NXPH2: variants seen among roughly 807,000 people sequenced by gnomAD.
NXPH2 encodes the protein neurexophilin-2.
In NXPH2, 5 loss-of-function variants were observed where a neutral mutation model predicts 19.8. The observed-to-expected ratio is 0.25, with a 90% confidence interval of 0.13 to 0.53. NXPH2 has a LOEUF of 0.53. Ranked by LOEUF, NXPH2 falls within the 20% of genes least tolerant of loss-of-function variation. The pLI is 0.96. For synonymous variants in NXPH2, 154 were observed against 127.4 expected (o/e 1.21, Z -1.41); for missense variants, 289 against 322.8 (o/e 0.90, Z 0.80).
chr2:138,695,259 T>C (rs991209505), intron 1 of NXPH2, among the ~76,000 whole-genome samples: 1 of 152,164 alleles, frequency 6.6e-6, no homozygotes, highest in African/African-American at 2.4e-5. Context: ...CAAAAATGGT[T>C]TTCTAAATTT....
intron 1 of NXPH2, among the ~76,000 whole-genome samples, chr2:138,681,043 A>G (rs1680573106): frequency 6.6e-6 from 1 of 152,018 alleles, no homozygotes; most frequent in African/African-American, 2.4e-5. Context: ...CTGGCCTTTC[A>G]CCTTTCTACC....
chr2:138,743,562 G>C (rs1436887374), intron 1 of NXPH2, among the ~76,000 whole-genome samples: 2 of 152,164 alleles, frequency 1.3e-5, no homozygotes, highest in Non-Finnish European at 2.9e-5. Flanking sequence ...ATGGGTATGG[G>C]GTTTCTTTTT....
Position 138,670,931 on chromosome 2 carries a change from A to G in NXPH2, c.786T>C (p.Ser262=). 6.2e-7 allele frequency: 1 copy of G among 1,610,990 alleles called. No homozygotes were observed. Reference sequence around the variant, plus strand: ...CACCACAGCAGGAAGATCAGCCAGAAGATAAGTATGGGGTCTCACTATGGT... The same window carrying G: ...CACCACAGCAGGAAGATCAGCCAGAGGATAAGTATGGGGTCTCACTATGGT... ...YNYHSETPYL[S]SG The change falls in exon 2 of 2, where the codon TCT becomes TCC. Residue 262 remains serine, a synonymous_variant. Coordinates refer to ENST00000272641, the MANE Select transcript of NXPH2 (RefSeq NM_007226.3).
intron 1 of NXPH2, among the ~76,000 whole-genome samples, chr2:138,751,344 G>A (rs1270919858): frequency 2.0e-5 from 3 of 152,080 alleles, no homozygotes; most frequent in South Asian, 2.1e-4. Flanking sequence ...TCTCTCAGTT[G>A]TCTAATATAT....
chr2:138,746,237 C>T (rs1425835858), intron 1 of NXPH2, among the ~76,000 whole-genome samples: 1 of 152,250 alleles, frequency 6.6e-6, no homozygotes, highest in Admixed American at 6.5e-5. Context: ...ATGGAGACTT[C>T]TTCACAGCTC....
intron 1 of NXPH2, among the ~76,000 whole-genome samples, chr2:138,698,731 G>C (rs999654594): frequency 6.6e-6 from 1 of 152,172 alleles, no homozygotes; most frequent in African/African-American, 2.4e-5. Context: ...GTGCGTGCCT[G>C]TGGTTCCAGC....
intron 1 of NXPH2, among the ~76,000 whole-genome samples, chr2:138,778,049 C>A (rs1451320762): frequency 1.3e-5 from 2 of 152,106 alleles, no homozygotes; most frequent in Admixed American, 6.5e-5. Flanking sequence ...CTTTTTGACA[C>A]CTACTGGAGT....
rs1199402215 is a variant in NXPH2 at position 138,769,832 on chromosome 2, T to C, written c.51+10359A>G. On this transcript the variant is annotated intron_variant, in intron 1 of 1. Coordinates refer to ENST00000272641, the MANE Select transcript of NXPH2 (RefSeq NM_007226.3). Reference sequence around the variant, plus strand: ...ATTTGCCCCTCAAGTCTTCTATTTATGCTGTTAAACATAGAAAGAAAATGA... The same window carrying C: ...ATTTGCCCCTCAAGTCTTCTATTTACGCTGTTAAACATAGAAAGAAAATGA... 8.5e-5 allele frequency among the ~76,000 whole-genome samples: 13 copies of C among 152,316 alleles called. 1 individual carries two copies. In the South Asian group the frequency reaches 1.9e-3, roughly 22 times the overall value.
intron 1 of NXPH2, among the ~76,000 whole-genome samples, chr2:138,717,527 G>T (rs1030497362): frequency 6.6e-6 from 1 of 151,730 alleles, no homozygotes; most frequent in Middle Eastern, 3.4e-3. Flanking sequence ...AAAGGGAAAA[G>T]CACCTCTCTT....
At chr2:138,764,961 T>C (rs1004590136) in intron 1 of NXPH2, among the ~76,000 whole-genome samples, 1 of 152,206 alleles carries the variant, frequency 6.6e-6, no homozygotes, top group African/African-American at 2.4e-5. Context: ...AACATGTTTT[T>C]CTATGGCCAT....
At chr2:138,681,874 G>T (rs1171553901) in intron 1 of NXPH2, among the ~76,000 whole-genome samples, 1 of 152,140 alleles carries the variant, frequency 6.6e-6, no homozygotes, top group African/African-American at 2.4e-5. Context: ...TGTTGTTAAC[G>T]ATGGGATCTA....
chr2:138,679,667 T>G (rs1049809188), intron 1 of NXPH2, among the ~76,000 whole-genome samples: 4 of 152,084 alleles, frequency 2.6e-5, no homozygotes, highest in Admixed American at 6.5e-5. Flanking sequence ...CCCAAAGTGT[T>G]GGGATTACAG....
intron 1 of NXPH2, among the ~76,000 whole-genome samples, chr2:138,769,749 C>T (rs941117882): frequency 6.6e-6 from 1 of 152,144 alleles, no homozygotes; most frequent in Non-Finnish European, 1.5e-5. Context: ...GTTTTGGATG[C>T]TCACCCCTTA....
intron 1 of NXPH2, among the ~76,000 whole-genome samples, chr2:138,750,396 T>G (rs1681811379): frequency 6.6e-6 from 1 of 152,186 alleles, no homozygotes; most frequent in Non-Finnish European, 1.5e-5. Context: ...AAATGAAGGA[T>G]TAAGTAATTC....
At chr2:138,684,491 T>C (rs944477456) in intron 1 of NXPH2, among the ~76,000 whole-genome samples, 2 of 152,208 alleles carry the variant, frequency 1.3e-5, no homozygotes, top group Non-Finnish European at 2.9e-5. Flanking sequence ...ATCTGTAATA[T>C]AAATGATCCA....
intron 1 of NXPH2, among the ~76,000 whole-genome samples, chr2:138,686,446 C>T (rs1680653552): frequency 6.6e-6 from 1 of 152,016 alleles, no homozygotes. Flanking sequence ...TTCTAAAATG[C>T]AAATTTAGCT....
Position 138,671,138 on chromosome 2 carries a change from T to G in NXPH2, c.579A>C (p.Lys193Asn), listed in dbSNP as rs1680406661. Residue 193 changes from lysine (K) to asparagine (N), a missense_variant, in exon 2 of 2, where the codon AAA becomes AAC. Physicochemically the swap from Lys to Asn is moderately conservative, Grantham distance 94. Transcript: ENST00000272641. ...KSFNCRIEYE[K>N]TDRAKKTALC... ...GGGCGGTCTTTTTCGCCCGATCTGT[T>G]TTTTCATACTCAATGCGACAATTGA... 1 of 1,613,906 alleles carries G rather than the reference T, an allele frequency of 6.2e-7. No individual in the cohort carries two copies. The highest frequency in any genetic ancestry group is 1.7e-5 in the Admixed American group (1 of 60,006).
chr2:138,767,096 T>C (rs1289371862), intron 1 of NXPH2, among the ~76,000 whole-genome samples: 1 of 152,244 alleles, frequency 6.6e-6, no homozygotes, highest in Non-Finnish European at 1.5e-5. Context: ...TTTTAGTTCA[T>C]CAATATTTAT....
intron 1 of NXPH2, among the ~76,000 whole-genome samples, chr2:138,705,136 A>AT: frequency 6.6e-6 from 1 of 151,930 alleles, no homozygotes; most frequent in East Asian, 1.9e-4. Flanking sequence ...CTTTTAAAAA[A>AT]ATTTTTTTGT....
Sources: allele counts gnomAD v4.1 joint callset (sites outside exome capture counted in the v4.1 genomes callset), GRCh38; gene constraint gnomAD v4.1.1; transcripts MANE v1.5; gene names NCBI Gene and HGNC (gene_info 2026-07-23, HGNC 2026-07-21).